Variants in EXOC4 observed in about 807,000 individuals in gnomAD.
EXOC4 encodes the protein SEC8-like 1.
Under a neutral mutation model 107.2 loss-of-function variants are expected in EXOC4, and 71 were observed. The observed-to-expected ratio is 0.66, with a 90% confidence interval of 0.55 to 0.81. The LOEUF (loss-of-function observed/expected upper bound fraction) is 0.81. Ranked by LOEUF, EXOC4 falls within the 30% of genes least tolerant of loss-of-function variation. The pLI is 0.00. For synonymous variants in EXOC4, 456 were observed against 441.2 expected (o/e 1.03, Z -0.42); for missense variants, 1,108 against 1,189.6 (o/e 0.93, Z 1.01).
chr7:133,527,949 C>T (rs747132143), intron 9 of EXOC4, among the ~76,000 whole-genome samples: 4 of 152,162 alleles, frequency 2.6e-5, no homozygotes, highest in Non-Finnish European at 4.4e-5. Context: ...CAGTCATTCT[C>T]GAACTTTATT....
intron 11 of EXOC4, among the ~76,000 whole-genome samples, chr7:133,820,722 C>G (rs1042519359): frequency 6.6e-6 from 1 of 152,144 alleles, no homozygotes; most frequent in Non-Finnish European, 1.5e-5. Flanking sequence ...GTGGCAACAC[C>G]CAGTGTCACA....
chr7:133,254,055 C>CT (rs10692732), intron 1 of EXOC4: 1 of 151,906 alleles, frequency 6.6e-6, no homozygotes, highest in Non-Finnish European at 1.5e-5. Context: ...AACAAACACT[C>CT]TATTTTTCCC....
rs191725894 is a variant in EXOC4 at position 133,910,214 on chromosome 7, G to A, written c.1872-7369G>A. Among the ~76,000 whole-genome samples, 60 of 152,300 alleles carry A rather than the reference G, an allele frequency of 3.9e-4. 1 individual carries two copies. Among genetic ancestry groups the A allele is most frequent in the Admixed American group, 1.8e-3 (28 of 15,308 alleles). On this transcript the variant is annotated intron_variant, in intron 12 of 17. Transcript: ENST00000253861. ...TGGGATTACAGGCGTCAACCACTGC[G>A]TCCAGCTGAGACAGATTTTATATGA...
At chr7:133,849,140 A>G (rs1243498637) in intron 11 of EXOC4, among the ~76,000 whole-genome samples, 1 of 152,202 alleles carries the variant, frequency 6.6e-6, no homozygotes, top group Admixed American at 6.5e-5. Context: ...CCCCAAGAGC[A>G]TAGAGACCAG....
At chr7:133,420,906 C>G (rs1302044753) in intron 7 of EXOC4, among the ~76,000 whole-genome samples, 1 of 150,606 alleles carries the variant, frequency 6.6e-6, no homozygotes, top group South Asian at 2.1e-4. Flanking sequence ...TAGTGTTTTT[C>G]ACTTTTGTAG....
chr7:134,064,307 C>A lies in EXOC4; in HGVS notation c.2704C>A (p.Leu902Ile). Reference protein sequence around the residue: ...LDFARQYYEMLYNTADELLNL... With the variant: ...LDFARQYYEMIYNTADELLNL... ...CTTTCTCAGGCAGTACTACGAGATGCTTTACAACACAGCTGACGAGCTCCT... is the reference window on the plus strand; with the variant it reads ...CTTTCTCAGGCAGTACTACGAGATGATTTACAACACAGCTGACGAGCTCCT... Residue 902 changes from leucine to isoleucine, a missense_variant, in exon 18 of 18, where the codon CTT becomes ATT. Coordinates refer to ENST00000253861, the MANE Select transcript of EXOC4 (RefSeq NM_021807.4). 6.8e-7 allele frequency: 1 copy of A among 1,470,858 alleles called. No homozygotes were observed. Among genetic ancestry groups the A allele is most frequent in the East Asian group, 2.5e-5 (1 of 40,524 alleles). 91.1% of individuals were successfully genotyped at this position (1,470,858 alleles called of 1,614,324 possible). A position where few individuals can be genotyped will look rare whatever the true frequency, so the allele number is the denominator to read the frequency against.
At chr7:133,335,370 C>T (rs891741857) in intron 5 of EXOC4, among the ~76,000 whole-genome samples, 2 of 152,146 alleles carry the variant, frequency 1.3e-5, no homozygotes, top group African/African-American at 2.4e-5. Context: ...TGTCCACCTC[C>T]ACCAACCCCT....
intron 11 of EXOC4, among the ~76,000 whole-genome samples, chr7:133,844,571 G>A (rs1005536238): frequency 6.6e-6 from 1 of 151,546 alleles, no homozygotes; most frequent in Non-Finnish European, 1.5e-5. Context: ...TGTATGTTTA[G>A]TAGAGACGTG....
chr7:133,564,367 C>T (rs977299511), intron 9 of EXOC4, among the ~76,000 whole-genome samples: 27 of 152,104 alleles, frequency 1.8e-4, no homozygotes, highest in African/African-American at 6.5e-4. Context: ...GAGAACAGCA[C>T]CACAGGAGAA....
chr7:133,805,487 T>C (rs1337490072), intron 10 of EXOC4, among the ~76,000 whole-genome samples: 1 of 152,196 alleles, frequency 6.6e-6, no homozygotes, highest in East Asian at 1.9e-4. Flanking sequence ...GAAAAAGACA[T>C]GTTCCCTCTT....
At chr7:133,710,310 A>G (rs1794858313) in intron 10 of EXOC4, among the ~76,000 whole-genome samples, 1 of 152,218 alleles carries the variant, frequency 6.6e-6, no homozygotes, top group South Asian at 2.1e-4. Flanking sequence ...CTCAGTTTGA[A>G]TGGGGATTTC....
chr7:133,419,047 G>A (rs1218027247), intron 7 of EXOC4, among the ~76,000 whole-genome samples: 2 of 152,162 alleles, frequency 1.3e-5, no homozygotes, highest in African/African-American at 2.4e-5. Flanking sequence ...TGAATTCAAG[G>A]AGTGTTGTAC....
At chr7:133,465,067 A>G (rs1038630) in intron 7 of EXOC4, among the ~76,000 whole-genome samples, 129,175 of 151,840 alleles carry the variant, frequency 0.85, 55,267 homozygotes, top group East Asian at 0.95. Flanking sequence ...CAATCCTCCC[A>G]CCTTGGCCTC....
chr7:133,284,901 A>G (rs572581792), intron 2 of EXOC4, among the ~76,000 whole-genome samples: 2 of 152,232 alleles, frequency 1.3e-5, no homozygotes, highest in East Asian at 3.9e-4. Flanking sequence ...CTCCTACCTC[A>G]TCCTACCCCG....
At chr7:133,768,722 T>G (rs768790502) in intron 10 of EXOC4, among the ~76,000 whole-genome samples, 29 of 152,044 alleles carry the variant, frequency 1.9e-4, no homozygotes, top group Non-Finnish European at 3.5e-4. Flanking sequence ...TTCAGTTCAA[T>G]TCAACACTCT....
At chr7:133,371,337 A>T (rs1278289988) in intron 6 of EXOC4, among the ~76,000 whole-genome samples, 3 of 152,118 alleles carry the variant, frequency 2.0e-5, no homozygotes. Context: ...CGTCACCACT[A>T]CCTGGTTCCA....
intron 4 of EXOC4, 81 bp downstream of exon 4, chr7:133,306,142 GTAATT>G: frequency 8.1e-7 from 1 of 1,235,218 alleles, no homozygotes; most frequent in Non-Finnish European, 1.1e-6. Flanking sequence ...GAATGTTGTT[GTAATT>G]TATTTTACTT....
intron 9 of EXOC4, among the ~76,000 whole-genome samples, chr7:133,493,656 C>G (rs73148993): frequency 1.5e-3 from 226 of 152,086 alleles, no homozygotes; most frequent in Non-Finnish European, 2.7e-3. Context: ...CTCCTCCCCC[C>G]ACCCCCATTT....
intron 1 of EXOC4, among the ~76,000 whole-genome samples, chr7:133,257,320 T>C (rs902258240): frequency 6.6e-6 from 1 of 152,048 alleles, no homozygotes; most frequent in Admixed American, 6.6e-5. Flanking sequence ...ACACACCTAC[T>C]TTTCTGTTGA....
Sources: allele counts gnomAD v4.1 joint callset (sites outside exome capture counted in the v4.1 genomes callset), GRCh38; gene constraint gnomAD v4.1.1; transcripts MANE v1.5; gene names NCBI Gene and HGNC (gene_info 2026-07-23, HGNC 2026-07-21).